SERAC1: variants seen among roughly 807,000 people sequenced by gnomAD.
SERAC1 encodes the protein protein SERAC1.
SERAC1 carries 36 observed loss-of-function variants against 85.7 expected under a neutral mutation model. That is an observed-to-expected ratio of 0.42 (90% CI 0.32 to 0.55). The LOEUF is 0.55. SERAC1 is among the 20% of genes least tolerant of loss of function. The probability of loss-of-function intolerance (pLI) is 0.11; values close to 1 mark genes in which losing one functional copy is unlikely to be tolerated. For missense variants in SERAC1, 629 were observed against 796.2 expected, an observed-to-expected ratio of 0.79 and a Z score of 2.53; for synonymous variants, 242 against 265.3, an observed-to-expected ratio of 0.91 and a Z score of 0.85.
rs71027384 is a variant in SERAC1, at chr6:158,148,992, A to AT, written c.266-39dup. On this transcript the variant is annotated intron_variant, in intron 4 of 16. Coordinates refer to ENST00000647468, the MANE Select transcript of SERAC1 (RefSeq NM_032861.4). ...TAAAATTAAGTAAAACCAAGAATGT[A>AT]TTTTTTTTTTCTTTTGAGATGGAAT... The AT allele has an allele frequency of 0.4, 498,603 of 1,256,888 alleles. 60,166 individuals are homozygous for AT. The highest frequency in any genetic ancestry group is 0.53 in the Admixed American group (21,337 of 40,490). 77.9% of individuals were successfully genotyped at this position (1,256,888 alleles called of 1,614,324 possible).
chr6:158,166,166 A>T (rs1785593500), intron 1 of SERAC1: 1 of 152,222 alleles, frequency 6.6e-6, no homozygotes, highest in African/African-American at 2.4e-5. Flanking sequence ...TGTTGTCAAT[A>T]GTTTGAAAGT....
chr6:158,149,954 C>T (rs1451452900), intron 4 of SERAC1, among the ~76,000 whole-genome samples: 1 of 152,184 alleles, frequency 6.6e-6, no homozygotes, highest in African/African-American at 2.4e-5. Flanking sequence ...CTAATGAGGG[C>T]TTCCATGTGT....
intron 8 of SERAC1, among the ~76,000 whole-genome samples, chr6:158,140,881 G>A (rs952446885): frequency 1.3e-5 from 2 of 152,154 alleles, no homozygotes; most frequent in African/African-American, 2.4e-5. Context: ...AGTGGTGTGA[G>A]AAAGTAGGAA....
At chr6:158,160,391 G>T (rs866795844) in intron 1 of SERAC1, among the ~76,000 whole-genome samples, 61 of 152,220 alleles carry the variant, frequency 4.0e-4, no homozygotes, top group Middle Eastern at 6.8e-3. Context: ...TTTTTGGGGG[G>T]TCATAATGTG....
chr6:158,130,402 A>C lies in SERAC1; in HGVS notation c.823T>G (p.Cys275Gly), dbSNP rs780840136. The C allele has an allele frequency of 1.9e-6, 3 of 1,593,076 alleles. No homozygotes were observed. The African/African-American group carries it at 4.1e-5, about 22-fold the overall frequency. Residue 275 changes from cysteine to glycine, a missense_variant, in exon 9 of 17, where the codon TGT becomes GGT. Cys to Gly is a radical substitution (Grantham distance 159). Coordinates refer to ENST00000647468, the MANE Select transcript of SERAC1 (RefSeq NM_032861.4). ...GAATGTTTTACTATAGCTTCTAAACAGAACATTTCCACTGTTGCTGAAGGA... is the reference window on the plus strand; with the variant it reads ...GAATGTTTTACTATAGCTTCTAAACCGAACATTTCCACTGTTGCTGAAGGA... Reference protein sequence around the residue: ...EVPSATVEMFCLEAIVKHSEI... With the variant: ...EVPSATVEMFGLEAIVKHSEI...
chr6:158,153,705 C>G (rs552741602), intron 3 of SERAC1, among the ~76,000 whole-genome samples: 1 of 152,182 alleles, frequency 6.6e-6, no homozygotes. Context: ...TAAATCCTGA[C>G]ACAAAGATTG....
intron 8 of SERAC1, among the ~76,000 whole-genome samples, chr6:158,132,300 A>G (rs1304711931): frequency 6.6e-6 from 1 of 152,096 alleles, no homozygotes; most frequent in Admixed American, 6.6e-5. Context: ...ATTTTTGGCC[A>G]CTCTATACTT....
chr6:158,125,433 T>C (rs1224275580), intron 10 of SERAC1, among the ~76,000 whole-genome samples: 2 of 152,176 alleles, frequency 1.3e-5, no homozygotes, highest in South Asian at 2.1e-4. Context: ...AAGACACCAA[T>C]GGCCAGAACC....
Position 158,117,879 on chromosome 6 carries a change from G to A in SERAC1, c.1309-58C>T. The stretch of plus-strand genomic sequence containing the variant: ...ATGAATCTTCACCACTGCAATTACT[G>A]CCTAGTAAATCAAATTTATAACTAA... On this transcript the variant is annotated intron_variant, in intron 12 of 16. Coordinates refer to ENST00000647468, the MANE Select transcript of SERAC1 (RefSeq NM_032861.4). This position sits in a 1 kb window ranked among gnomAD's most constrained non-coding sequence, Gnocchi z 4.3. The A allele has an allele frequency of 6.0e-6, 8 of 1,343,828 alleles. No individual in the cohort carries two copies. Among genetic ancestry groups the A allele is most frequent in the Non-Finnish European group, 8.5e-6 (8 of 944,696 alleles). 83.2% of individuals were successfully genotyped at this position (1,343,828 alleles called of 1,614,324 possible).
In SERAC1 at chr6:158,130,383, T is replaced by G; in HGVS notation, c.842A>C (p.Lys281Thr). 1 of 1,539,254 alleles carries G rather than the reference T, an allele frequency of 6.5e-7. No homozygotes were observed. The highest frequency in any genetic ancestry group is 8.8e-7 in the Non-Finnish European group (1 of 1,141,910). ...GAAAATGTAAATTACCTCAGAATGTTTTACTATAGCTTCTAAACAGAACAT... is the reference window on the plus strand; with the variant it reads ...GAAAATGTAAATTACCTCAGAATGTGTTACTATAGCTTCTAAACAGAACAT... ...VEMFCLEAIV[K>T]HSEISTHCDK... The change falls in exon 9 of 17, where the codon AAA becomes ACA. Residue 281 changes from lysine (K) to threonine (T), a missense_variant. Transcript: ENST00000647468.
At chr6:158,133,124 C>T (rs1784714609) in intron 8 of SERAC1, among the ~76,000 whole-genome samples, 1 of 151,948 alleles carries the variant, frequency 6.6e-6, no homozygotes, top group Non-Finnish European at 1.5e-5. Context: ...CTGGTCAATA[C>T]AGTGAAACCC....
At chr6:158,139,610 A>G (rs1204373708) in intron 8 of SERAC1, among the ~76,000 whole-genome samples, 9 of 152,230 alleles carry the variant, frequency 5.9e-5, no homozygotes, top group African/African-American at 2.2e-4. Context: ...CTGTAGCCTC[A>G]GCTATTCAGG....
intron 7 of SERAC1, 49 bp from the exon 8 acceptor site, chr6:158,143,233 A>C: frequency 6.3e-7 from 1 of 1,590,756 alleles, no homozygotes; most frequent in East Asian, 2.2e-5. Flanking sequence ...ACAACTGAGT[A>C]CAACAAAAAA....
chr6:158,119,181 A>G lies in SERAC1; in HGVS notation c.1167-11T>C, dbSNP rs1188136456. 3.7e-6 allele frequency: 6 copies of G among 1,601,418 alleles called. No individual in the cohort carries two copies. In the South Asian group the frequency reaches 5.6e-5, roughly 15 times the overall value. ...GCTTTAATGGGCTGACTAATAGGGG[A>G]GAGAGTTTTAAAAAGAAGCAGAATA... is the stretch of plus-strand genomic sequence containing the variant. On this transcript the variant is annotated splice_polypyrimidine_tract_variant and intron_variant, in intron 11 of 16. Coordinates refer to ENST00000647468, the MANE Select transcript of SERAC1 (RefSeq NM_032861.4). This position sits in a 1 kb window ranked among gnomAD's most constrained non-coding sequence, Gnocchi z 4.5.
chr6:158,142,434 G>A (rs776814806), intron 8 of SERAC1, among the ~76,000 whole-genome samples: 10 of 151,592 alleles, frequency 6.6e-5, no homozygotes, highest in Admixed American at 3.9e-4. Context: ...CAAAGCACTG[G>A]GCACTGGGAT....
chr6:158,154,946 T>C (rs757310545), intron 3 of SERAC1, among the ~76,000 whole-genome samples: 8 of 150,660 alleles, frequency 5.3e-5, no homozygotes, highest in Admixed American at 2.0e-4. Flanking sequence ...AGTGAGTGCC[T>C]GATTTAAGTG....
At chr6:158,147,152 G>GT (rs1013603627) in intron 5 of SERAC1, among the ~76,000 whole-genome samples, 14 of 151,596 alleles carry the variant, frequency 9.2e-5, no homozygotes, top group Admixed American at 8.6e-4. Context: ...GTTTTGTTTT[G>GT]TTTTTTGAGA....
At chr6:158,152,272 C>T (rs537269216) in intron 3 of SERAC1, among the ~76,000 whole-genome samples, 5 of 152,222 alleles carry the variant, frequency 3.3e-5, no homozygotes, top group Admixed American at 1.3e-4. Flanking sequence ...TCTCAACACT[C>T]TGGGAGGCCG....
At chr6:158,161,464 A>C (rs1348676205) in intron 1 of SERAC1, 3 of 151,766 alleles carry the variant, frequency 2.0e-5, no homozygotes, top group Non-Finnish European at 4.4e-5. Flanking sequence ...CCTTTGGTAC[A>C]TTAATGGTAT....
Sources: allele counts gnomAD v4.1 joint callset (sites outside exome capture counted in the v4.1 genomes callset), GRCh38; gene constraint gnomAD v4.1.1; non-coding constraint Gnocchi (gnomAD v3.1); transcripts MANE v1.5; gene names NCBI Gene and HGNC (gene_info 2026-07-23, HGNC 2026-07-21).